The following RHBDD1 variants were observed in gnomAD, a reference collection of about 807,000 sequenced individuals.
RHBDD1 encodes rhomboid-related protein 4.
RHBDD1 carries 38 observed loss-of-function variants against 36.3 expected under a neutral mutation model. The ratio of observed to expected loss-of-function variants is 1.05; its 90% CI spans 0.81 to 1.37. The LOEUF is 1.37. Ranked by LOEUF, RHBDD1 falls within the 40% of genes most tolerant of loss-of-function variation. The pLI is 0.00. For synonymous variants in RHBDD1, 151 were observed against 136.5 expected (o/e 1.11, Z -0.74); for missense variants, 393 against 377.6 (o/e 1.04, Z -0.34).
chr2:226,927,060 T>C (rs1215198804), intron 8 of RHBDD1, among the ~76,000 whole-genome samples: 1 of 152,106 alleles, frequency 6.6e-6, no homozygotes, highest in Non-Finnish European at 1.5e-5. Context: ...TACAGCACAG[T>C]TGTATCACTC....
chr2:226,965,074 T>G (rs932069575), intron 8 of RHBDD1, among the ~76,000 whole-genome samples: 2 of 152,124 alleles, frequency 1.3e-5, no homozygotes, highest in African/African-American at 4.8e-5. Flanking sequence ...TGACCTCATT[T>G]GAAATAAGGC....
the RHBDD1 span, among the ~76,000 whole-genome samples, chr2:226,801,666 A>G: frequency 5.9e-5 from 9 of 152,292 alleles, 1 homozygote; most frequent in African/African-American, 2.2e-4. Flanking sequence ...CAGCAAGGCT[A>G]TTAATAGCAG....
the RHBDD1 span, among the ~76,000 whole-genome samples, chr2:226,801,671 T>C: frequency 6.6e-6 from 1 of 152,106 alleles, no homozygotes; most frequent in East Asian, 1.9e-4. Flanking sequence ...AGGCTATTAA[T>C]AGCAGATATT....
intron 1 of RHBDD1, among the ~76,000 whole-genome samples, chr2:226,837,340 C>CAT (rs1941088877): frequency 6.6e-6 from 1 of 152,132 alleles, no homozygotes; most frequent in African/African-American, 2.4e-5. Context: ...AGCTGTAGCG[C>CAT]ATGGATATTG....
intron 8 of RHBDD1, among the ~76,000 whole-genome samples, chr2:226,951,342 TA>T (rs1951415741): frequency 6.6e-6 from 1 of 152,198 alleles, no homozygotes; most frequent in Non-Finnish European, 1.5e-5. Flanking sequence ...ATACTATTAT[TA>T]ATATTAGTAT....
intron 7 of RHBDD1, among the ~76,000 whole-genome samples, chr2:226,911,936 A>G (rs1158274231): frequency 1.3e-5 from 2 of 152,180 alleles, no homozygotes; most frequent in East Asian, 1.9e-4. Flanking sequence ...TTAGTCTCCA[A>G]AATCCTAAAC....
At chr2:226,936,047 A>G (rs1417802733) in intron 8 of RHBDD1, among the ~76,000 whole-genome samples, 1 of 152,086 alleles carries the variant, frequency 6.6e-6, no homozygotes, top group Non-Finnish European at 1.5e-5. Context: ...TTTTTTTTAA[A>G]AAGTAATTTG....
At chr2:226,828,561 C>A in the RHBDD1 span, among the ~76,000 whole-genome samples, 1 of 152,188 alleles carries the variant, frequency 6.6e-6, no homozygotes, top group Non-Finnish European at 1.5e-5. Flanking sequence ...CACAGTTTCT[C>A]CACATTCTTG....
the RHBDD1 span, among the ~76,000 whole-genome samples, chr2:226,819,605 T>C: frequency 6.6e-6 from 1 of 152,170 alleles, no homozygotes; most frequent in African/African-American, 2.4e-5. Context: ...CTGTACTTTC[T>C]GTTTAATTTT....
chr2:226,904,522 G>A (rs556879652), intron 5 of RHBDD1, among the ~76,000 whole-genome samples: 1 of 152,146 alleles, frequency 6.6e-6, no homozygotes, highest in South Asian at 2.1e-4. Flanking sequence ...GTGTCTGTGT[G>A]TGTGTGCACG....
intron 8 of RHBDD1, among the ~76,000 whole-genome samples, chr2:226,974,922 A>G (rs1954290252): frequency 6.6e-6 from 1 of 152,158 alleles, no homozygotes; most frequent in South Asian, 2.1e-4. Flanking sequence ...CAGGCCATGT[A>G]TCTCTTCCAG....
At chr2:226,820,210 C>G in the RHBDD1 span, among the ~76,000 whole-genome samples, 2 of 152,154 alleles carry the variant, frequency 1.3e-5, no homozygotes, top group Non-Finnish European at 2.9e-5. Flanking sequence ...ACAGCACACA[C>G]TCAATAAATT....
the RHBDD1 span, among the ~76,000 whole-genome samples, chr2:226,800,844 A>C: frequency 2.6e-5 from 4 of 152,306 alleles, no homozygotes; most frequent in African/African-American, 9.6e-5. Context: ...TGCCAGCTCA[A>C]CTGTACAGGA....
chr2:226,927,349 T>C (rs899309401), intron 8 of RHBDD1, among the ~76,000 whole-genome samples: 7 of 152,018 alleles, frequency 4.6e-5, no homozygotes, highest in African/African-American at 1.7e-4. Context: ...TTTTTGTTTT[T>C]TTGTTTTTTT....
At chr2:226,951,830 T>G (rs1277428458) in intron 8 of RHBDD1, among the ~76,000 whole-genome samples, 1 of 152,256 alleles carries the variant, frequency 6.6e-6, no homozygotes. Context: ...GAGAATAACC[T>G]TTGTTGTCCG....
At chr2:226,848,791 C>T (rs1942491673) in intron 3 of RHBDD1, among the ~76,000 whole-genome samples, 1 of 152,108 alleles carries the variant, frequency 6.6e-6, no homozygotes, top group Non-Finnish European at 1.5e-5. Context: ...AGGACAGAGC[C>T]TTGGGAGCCG....
the RHBDD1 span, among the ~76,000 whole-genome samples, chr2:226,822,342 G>C: frequency 9.4e-6 from 1 of 106,648 alleles, no homozygotes; most frequent in Non-Finnish European, 1.8e-5. Context: ...CGTACATTAA[G>C]AAAGAAATGT....
intron 8 of RHBDD1, among the ~76,000 whole-genome samples, chr2:226,920,937 T>G (rs1949264915): frequency 6.6e-6 from 1 of 152,172 alleles, no homozygotes; most frequent in Non-Finnish European, 1.5e-5. Context: ...GGATTGGTAT[T>G]CATTCCTTTT....
chr2:226,915,708 A>G (rs557018436), intron 8 of RHBDD1, among the ~76,000 whole-genome samples: 52 of 152,336 alleles, frequency 3.4e-4, no homozygotes, highest in African/African-American at 1.3e-3. Context: ...TTGGAAGACT[A>G]TATTGCAGTA....
Sources: gnomAD v4.1 joint callset for allele counts (sites outside exome capture counted in the v4.1 genomes callset) on GRCh38, gnomAD v4.1.1 for gene constraint, MANE v1.5 for transcripts, NCBI Gene and HGNC (gene_info 2026-07-23, HGNC 2026-07-21) for gene names.